ZC3H7B: variants seen among roughly 807,000 people sequenced by gnomAD.
ZC3H7B encodes the protein zinc finger CCCH-type containing 7B.
ZC3H7B carries 35 observed loss-of-function variants against 116.0 expected under a neutral mutation model. The observed-to-expected ratio is 0.30, with a 90% confidence interval of 0.23 to 0.40. The LOEUF is 0.40. Among genes scored for constraint, ZC3H7B ranks in the 10% least tolerant of loss-of-function variants. The pLI, the probability that ZC3H7B is intolerant of heterozygous loss-of-function variation, is 1.00. For synonymous variants in ZC3H7B, 502 were observed against 545.6 expected, an observed-to-expected ratio of 0.92 and a Z score of 1.11; for missense variants, 1,011 against 1,321.5, an observed-to-expected ratio of 0.77 and a Z score of 3.64.
At chr22:41,343,712 C>G (rs567807141) in intron 13 of ZC3H7B, 136 bp downstream of exon 13, 1 of 1,268,666 alleles carries the variant, frequency 7.9e-7, no homozygotes, top group African/African-American at 1.5e-5. Context: ...AAGCCACGGC[C>G]TAGGCTCCTG....
intron 1 of ZC3H7B, among the ~76,000 whole-genome samples, chr22:41,309,136 C>A (rs1449524382): frequency 6.6e-6 from 1 of 150,658 alleles, no homozygotes; most frequent in African/African-American, 2.4e-5. Context: ...CTCAGCCTCC[C>A]GTGTAGCTGG....
At chr22:41,304,236 T>C (rs897747890) in intron 1 of ZC3H7B, among the ~76,000 whole-genome samples, 112 of 149,028 alleles carry the variant, frequency 7.5e-4, no homozygotes, top group African/African-American at 2.7e-3. Context: ...TCTTTCTTTC[T>C]TTTTTTTTGA....
In ZC3H7B at chr22:41,355,839, C is replaced by T. The variant is rs1282546986; in HGVS notation, c.2251C>T (p.Arg751Cys). 7 of 1,613,730 alleles carry T rather than the reference C, an allele frequency of 4.3e-6. No homozygotes were observed. Among genetic ancestry groups the T allele is most frequent in the South Asian group, 1.1e-5 (1 of 91,060 alleles). ...WVSVRPLPSIRNFPQQYDLCI... is the reference protein window; with the variant it reads ...WVSVRPLPSICNFPQQYDLCI... ...GTCAGTGAGGCCACTGCCATCCATT[C>T]GTAACTTCCCACAGCAATACGATGT... The change falls in exon 19 of 23, where the codon CGT (arginine) becomes TGT (cysteine). Residue 751 changes from arginine to cysteine, a missense_variant. Physicochemically the swap from Arg to Cys is radical, Grantham distance 180. Transcript: ENST00000352645.
intron 2 of ZC3H7B, among the ~76,000 whole-genome samples, chr22:41,324,425 C>T (rs1190608351): frequency 6.6e-6 from 1 of 152,244 alleles, no homozygotes; most frequent in African/African-American, 2.4e-5. Flanking sequence ...ACGGAAAGAT[C>T]TCCCCAGCCC....
intron 15 of ZC3H7B, 103 bp downstream of exon 15, chr22:41,348,270 A>G: frequency 9.7e-7 from 1 of 1,027,518 alleles, no homozygotes; most frequent in Non-Finnish European, 1.5e-6. Flanking sequence ...GGGTGGATGT[A>G]GGGTGCAAGG....
intron 17 of ZC3H7B, among the ~76,000 whole-genome samples, chr22:41,352,444 A>T (rs1226992892): frequency 6.6e-6 from 1 of 152,144 alleles, no homozygotes; most frequent in Non-Finnish European, 1.5e-5. Flanking sequence ...TTCAGGGATC[A>T]TTTCTATAGT....
rs1297669893 is a variant in ZC3H7B at position 41,338,628 on chromosome 22, C to T, written c.625+273C>T. Among the ~76,000 whole-genome samples the T allele has an allele frequency of 1.3e-5, 2 of 152,190 alleles. No individual in the cohort carries two copies. The highest frequency in any genetic ancestry group is 4.8e-5 in the African/African-American group (2 of 41,442). ...TCACTCCTGGCTGCCTGCACACCCC[C>T]ACCTCTTCCAAAGCCCTTTCCCCTC... On this transcript the variant is annotated intron_variant, in intron 8 of 22. Transcript: ENST00000352645. This position sits in a 1 kb window ranked among gnomAD's most constrained non-coding sequence, Gnocchi z 4.5.
chr22:41,339,276 A>G, intron 9 of ZC3H7B, 85 bp downstream of exon 9: 3 of 1,469,638 alleles, frequency 2.0e-6, no homozygotes, highest in Non-Finnish European at 1.8e-6. Context: ...GGAAGGCCCC[A>G]ATGCTCATGT....
chr22:41,350,566 A>C (rs1045968559), intron 16 of ZC3H7B, among the ~76,000 whole-genome samples: 2 of 152,148 alleles, frequency 1.3e-5, no homozygotes, highest in Non-Finnish European at 2.9e-5. Context: ...GTGTTGATGG[A>C]TCAGATATGA....
Position 41,346,820 on chromosome 22 carries a change from G to C in ZC3H7B, c.1665+612G>C, listed in dbSNP as rs2043110484. On this transcript the variant is annotated intron_variant, in intron 14 of 22. Transcript: ENST00000352645. This position sits in a 1 kb window ranked among gnomAD's most constrained non-coding sequence, Gnocchi z 5.3. ...CTCAAAAAAAAATTAAAAATTAGCT[G>C]GGCTTGGTGGCATGCGCCTCCCGTC... Among the ~76,000 whole-genome samples the C allele has an allele frequency of 6.6e-6, 1 of 151,998 alleles. No individual in the cohort carries two copies. The highest frequency in any genetic ancestry group is 2.4e-5 in the African/African-American group (1 of 41,362).
intron 2 of ZC3H7B, among the ~76,000 whole-genome samples, chr22:41,321,021 A>C (rs942561093): frequency 6.6e-6 from 1 of 152,050 alleles, no homozygotes; most frequent in Non-Finnish European, 1.5e-5. Context: ...GTTTTCTGAT[A>C]AATCAATGGT....
At chr22:41,316,153 C>G in intron 1 of ZC3H7B, among the ~76,000 whole-genome samples, 1 of 151,876 alleles carries the variant, frequency 6.6e-6, no homozygotes. Flanking sequence ...GCCACCATGT[C>G]CAGCTAATTT....
intron 2 of ZC3H7B, 28 bp from the exon 3 acceptor site, chr22:41,325,536 C>G (rs1358044040): frequency 1.9e-6 from 3 of 1,603,074 alleles, no homozygotes; most frequent in East Asian, 2.2e-5. Context: ...CGGGCTCACC[C>G]AGGCCTCGTG....
chr22:41,330,712 C>T (rs540127016), intron 6 of ZC3H7B, among the ~76,000 whole-genome samples: 1 of 151,918 alleles, frequency 6.6e-6, no homozygotes, highest in African/African-American at 2.4e-5. Flanking sequence ...GAGGCCAAGG[C>T]GGGCAGATCA....
chr22:41,309,267 C>T (rs1219260798), intron 1 of ZC3H7B, among the ~76,000 whole-genome samples: 3 of 151,846 alleles, frequency 2.0e-5, no homozygotes, highest in Non-Finnish European at 4.4e-5. Flanking sequence ...ATCTCGGCCT[C>T]CCAAAGTGCT....
intron 5 of ZC3H7B, among the ~76,000 whole-genome samples, chr22:41,329,115 GAA>G (rs1452235331): frequency 1.3e-5 from 2 of 150,068 alleles, no homozygotes; most frequent in Admixed American, 6.6e-5. Context: ...TGAGGCAGGA[GAA>G]TCTCTTGAAC....
intron 2 of ZC3H7B, 53 bp from the exon 3 acceptor site, chr22:41,325,511 T>G: frequency 6.3e-7 from 1 of 1,583,108 alleles, no homozygotes; most frequent in African/African-American, 1.3e-5. Context: ...TGGACCTCCA[T>G]GAAGCTGGGA....
At chr22:41,331,554 CAAA>C (rs76036983) in intron 6 of ZC3H7B, among the ~76,000 whole-genome samples, 3 of 51,294 alleles carry the variant, frequency 5.8e-5, no homozygotes, top group Non-Finnish European at 1.2e-4. Context: ...GACTCTGCCT[CAAA>C]AAAAAAAAAA....
chr22:41,355,084 G>A (rs999347925), intron 17 of ZC3H7B, among the ~76,000 whole-genome samples: 2 of 152,208 alleles, frequency 1.3e-5, no homozygotes, highest in African/African-American at 2.4e-5. Context: ...CAGGAGATGC[G>A]CTTGAGCTGA....
Sources: gnomAD v4.1 joint callset for allele counts (sites outside exome capture counted in the v4.1 genomes callset) on GRCh38, gnomAD v4.1.1 for gene constraint, Gnocchi (gnomAD v3.1) non-coding constraint, MANE v1.5 for transcripts, NCBI Gene and HGNC (gene_info 2026-07-23, HGNC 2026-07-21) for gene names.